Variants in IGSF11 observed in about 807,000 individuals in gnomAD.
IGSF11 encodes the protein CXADR like 1.
Under a neutral mutation model 41.0 loss-of-function variants are expected in IGSF11, and 22 were observed. That is an observed-to-expected ratio of 0.54 (90% CI 0.38 to 0.77). The LOEUF (loss-of-function observed/expected upper bound fraction) is 0.77, where lower values mean the gene tolerates loss of function less well. Among genes scored for constraint, IGSF11 ranks in the 30% least tolerant of loss-of-function variants. The probability of loss-of-function intolerance (pLI) is 0.00; values close to 1 mark genes in which losing one functional copy is unlikely to be tolerated. For synonymous variants in IGSF11, 219 were observed against 201.3 expected (o/e 1.09, Z -0.74); for missense variants, 444 against 530.8 (o/e 0.84, Z 1.61).
chr3:118,935,397 T>C (rs73856927), intron 1 of IGSF11, among the ~76,000 whole-genome samples: 14,168 of 99,790 alleles, frequency 0.14, 1,153 homozygotes, highest in African/African-American at 0.34. Context: ...CACACACACA[T>C]ACACACACAC....
At chr3:118,937,821 A>C (rs928071367) in intron 1 of IGSF11, among the ~76,000 whole-genome samples, 1 of 152,182 alleles carries the variant, frequency 6.6e-6, no homozygotes, top group Non-Finnish European at 1.5e-5. Context: ...TGTAATATGT[A>C]ATTGTATTCT....
intron 1 of IGSF11, among the ~76,000 whole-genome samples, chr3:119,087,377 CACACACACACACACACACACACACAT>C (rs2076692834): frequency 8.4e-6 from 1 of 118,742 alleles, no homozygotes; most frequent in African/African-American, 5.4e-5. Flanking sequence ...ATGTTATACA[CACACACACACACACACACACACACAT>C]ACACACACAC....
chr3:119,056,466 T>A (rs1292722752), intron 1 of IGSF11, among the ~76,000 whole-genome samples: 1 of 152,092 alleles, frequency 6.6e-6, no homozygotes, highest in Non-Finnish European at 1.5e-5. Flanking sequence ...GATGTGAAAT[T>A]GAGGCAATAA....
At chr3:119,076,070 T>C (rs564828256) in intron 1 of IGSF11, among the ~76,000 whole-genome samples, 8 of 152,064 alleles carry the variant, frequency 5.3e-5, no homozygotes, top group South Asian at 2.1e-4. Context: ...GAGATATAGA[T>C]CAATGGAACA....
chr3:119,107,413 C>T (rs1211373879), upstream of IGSF11, among the ~76,000 whole-genome samples: 7 of 152,232 alleles, frequency 4.6e-5, no homozygotes, highest in African/African-American at 1.7e-4. Flanking sequence ...TCATATCCTT[C>T]ACCCACTTTT....
At chr3:118,922,519 C>T (rs1489106546) in intron 4 of IGSF11, among the ~76,000 whole-genome samples, 1 of 151,970 alleles carries the variant, frequency 6.6e-6, no homozygotes, top group Non-Finnish European at 1.5e-5. Context: ...CATTAGATCT[C>T]CAGGATTTAT....
rs1004369585 is a variant in IGSF11, at chr3:119,040,788, A to C, written c.49+64356T>G. Among the ~76,000 whole-genome samples, 6 of 152,348 alleles carry C rather than the reference A, an allele frequency of 3.9e-5. 1 individual carries two copies. The highest frequency in any genetic ancestry group is 3.9e-4 in the East Asian group (2 of 5,192). ...TCAATGAATGAAGCAATTCTCAAGA[A>C]ATCTGACAGGATTGAAATTATTTAC... is the stretch of plus-strand genomic sequence containing the variant. On this transcript the variant is annotated intron_variant, in intron 1 of 6. Coordinates refer to the IGSF11 transcript ENST00000354673.
At chr3:119,109,680 T>G (rs2077109212), upstream of IGSF11, among the ~76,000 whole-genome samples, 1 of 152,196 alleles carries the variant, frequency 6.6e-6, no homozygotes, top group South Asian at 2.1e-4. Context: ...AATTGTGATG[T>G]TAGGGTGTCA....
At chr3:118,979,149 TC>T (rs1167043396) in intron 1 of IGSF11, among the ~76,000 whole-genome samples, 3 of 151,976 alleles carry the variant, frequency 2.0e-5, no homozygotes, top group African/African-American at 7.2e-5. Context: ...CAAAATACAT[TC>T]AAAGTTTTAA....
At chr3:119,063,983 T>C (rs1388462742) in intron 1 of IGSF11, among the ~76,000 whole-genome samples, 2 of 152,196 alleles carry the variant, frequency 1.3e-5, no homozygotes, top group Non-Finnish European at 2.9e-5. Context: ...AAAGATGGTC[T>C]CATGGAGTTG....
chr3:119,019,118 A>G (rs1029773155), intron 1 of IGSF11, among the ~76,000 whole-genome samples: 2 of 152,022 alleles, frequency 1.3e-5, no homozygotes, highest in Non-Finnish European at 2.9e-5. Flanking sequence ...AGTTCTTGCA[A>G]CTGCTTATAT....
rs1344484955 is a variant in IGSF11, at chr3:118,994,937, G to C, written c.52+39594C>G. Among the ~76,000 whole-genome samples the C allele has an allele frequency of 2.0e-5, 3 of 152,128 alleles. No homozygotes were observed. The East Asian group carries it at 5.8e-4, about 29-fold the overall frequency. Reference sequence around the variant, plus strand: ...GGAAGAACGTGGAGGAAGGAAAGCAGGCCACAGTCAAGGCAATGAAAAGGG... The same window carrying C: ...GGAAGAACGTGGAGGAAGGAAAGCACGCCACAGTCAAGGCAATGAAAAGGG... On this transcript the variant is annotated intron_variant, in intron 1 of 6. Transcript: ENST00000393775.
intron 4 of IGSF11, among the ~76,000 whole-genome samples, chr3:118,916,212 C>A (rs1941069628): frequency 1.3e-5 from 2 of 150,406 alleles, no homozygotes; most frequent in East Asian, 4.0e-4. Context: ...CGAGCAAAAT[C>A]ACCAGCTAAC....
At chr3:118,904,906 C>G in intron 5 of IGSF11, 108 bp from the exon 6 acceptor site, 1 of 869,458 alleles carries the variant, frequency 1.2e-6, no homozygotes. Flanking sequence ...CTGCTTAAAA[C>G]GTATAAAACT....
chr3:119,014,859 T>C (rs1341305288), intron 1 of IGSF11, among the ~76,000 whole-genome samples: 2 of 152,174 alleles, frequency 1.3e-5, no homozygotes, highest in African/African-American at 4.8e-5. Flanking sequence ...GCGGAAGAAA[T>C]CTTCACCTTC....
intron 1 of IGSF11, among the ~76,000 whole-genome samples, chr3:119,117,386 C>T (rs778863572): frequency 4.6e-5 from 7 of 152,096 alleles, no homozygotes; most frequent in Non-Finnish European, 1.0e-4. Context: ...GAGCAACTCA[C>T]GTCTTACATG....
At chr3:119,073,852 T>G (rs1189551029) in intron 1 of IGSF11, among the ~76,000 whole-genome samples, 1 of 152,168 alleles carries the variant, frequency 6.6e-6, no homozygotes, top group Non-Finnish European at 1.5e-5. Context: ...GCTCCCACAG[T>G]GCAGCGGTAG....
intron 1 of IGSF11, among the ~76,000 whole-genome samples, chr3:119,075,652 G>T (rs2076482117): frequency 6.6e-6 from 1 of 152,242 alleles, no homozygotes; most frequent in African/African-American, 2.4e-5. Flanking sequence ...CTTTATTCCT[G>T]GGATGCAAGA....
rs930090367 is a variant in IGSF11, at chr3:118,925,942, C to G, written c.580+159G>C. ...GCAATATAGAGAAGAGAGAGAAAAT[C>G]TTTTATTCACTTTAAATTTGAAAAC... On this transcript the variant is annotated intron_variant, in intron 4 of 6. Transcript: ENST00000393775. 14 of 429,164 alleles carry G rather than the reference C, an allele frequency of 3.3e-5. 1 individual carries two copies. Among genetic ancestry groups the G allele is most frequent in the East Asian group, 1.1e-4 (3 of 27,516 alleles). 26.6% of individuals were successfully genotyped at this position (429,164 alleles called of 1,614,324 possible).
Sources: allele counts gnomAD v4.1 joint callset (sites outside exome capture counted in the v4.1 genomes callset), GRCh38; gene constraint gnomAD v4.1.1; transcripts MANE v1.5; gene names NCBI Gene and HGNC (gene_info 2026-07-23, HGNC 2026-07-21).